Variants in CLTCL1 observed in about 807,000 individuals in gnomAD.
The protein encoded by CLTCL1 is clathrin heavy chain 2.
A neutral mutation model predicts 190.0 loss-of-function variants in CLTCL1; 159 were observed. That is an observed-to-expected ratio of 0.84 (90% CI 0.74 to 0.95). The LOEUF is 0.95. CLTCL1 is among the 40% of genes least tolerant of loss of function. The pLI, the probability that CLTCL1 is intolerant of heterozygous loss-of-function variation, is 0.00. For missense variants in CLTCL1, 1,878 were observed against 2,033.4 expected (o/e 0.92, Z 1.47); for synonymous variants, 752 against 769.6 (o/e 0.98, Z 0.38).
Position 19,183,530 on chromosome 22 carries a change from T to C in CLTCL1, c.4687A>G (p.Arg1563Gly). 6.2e-7 allele frequency: 1 copy of C among 1,613,766 alleles called. No homozygotes were observed. Among genetic ancestry groups the C allele is most frequent in the Non-Finnish European group, 8.5e-7 (1 of 1,179,870 alleles). Reference sequence around the variant, plus strand: ...AAGAGACAAGCTGCGAAGCACTCCCTCTTGCCTTCCTCCAGGAACCACTGC... The same window carrying C: ...AAGAGACAAGCTGCGAAGCACTCCCCCTTGCCTTCCTCCAGGAACCACTGC... ...LLQWFLEEGKRECFAACLFTC... is the reference protein window; with the variant it reads ...LLQWFLEEGKGECFAACLFTC... The change falls in exon 30 of 33, where the codon AGG becomes GGG. Residue 1563 changes from arginine (R) to glycine (G), a missense_variant. Coordinates refer to ENST00000427926, the MANE Select transcript of CLTCL1 (RefSeq NM_007098.4).
Position 19,273,081 on chromosome 22 carries a change from C to T in CLTCL1, c.250+2542G>A, listed in dbSNP as rs1209258970. The stretch of plus-strand genomic sequence containing the variant: ...ACACCCTGTATTTCTGCACTGGATC[C>T]TAGAAGCTAGTCAAGGTGTGTGATA... On this transcript the variant is annotated intron_variant, in intron 2 of 32. Transcript: ENST00000427926. Among the ~76,000 whole-genome samples the T allele has an allele frequency of 4.6e-5, 7 of 152,268 alleles. 1 individual carries two copies. Among genetic ancestry groups the T allele is most frequent in the South Asian group, 2.1e-4 (1 of 4,830 alleles).
intron 27 of CLTCL1, among the ~76,000 whole-genome samples, chr22:19,190,647 T>C (rs1208588028): frequency 7.0e-6 from 1 of 142,606 alleles, no homozygotes; most frequent in Non-Finnish European, 1.5e-5. Flanking sequence ...CACCATAACA[T>C]ATATAATGAC....
At chr22:19,225,404 AAGG>A in intron 13 of CLTCL1, 46 bp downstream of exon 13, 1 of 1,492,698 alleles carries the variant, frequency 6.7e-7, no homozygotes, top group Non-Finnish European at 9.0e-7. Flanking sequence ...ACACCTGAGA[AAGG>A]AGGTGTAGTC....
intron 30 of CLTCL1, chr22:19,183,110 C>G: frequency 4.5e-6 from 2 of 439,650 alleles, no homozygotes; most frequent in Non-Finnish European, 8.5e-6. Flanking sequence ...CTGTTGTGCT[C>G]CTAGCAGTGT....
chr22:19,237,568 T>C (rs1168276632), intron 5 of CLTCL1, among the ~76,000 whole-genome samples: 1 of 152,196 alleles, frequency 6.6e-6, no homozygotes, highest in Non-Finnish European at 1.5e-5. Context: ...CCTCGGACTT[T>C]TAGACTAACA....
Position 19,180,678 on chromosome 22 carries a change from G to A in CLTCL1, c.4903+53C>T, listed in dbSNP as rs2084103584. 13 of 1,582,352 alleles carry A rather than the reference G, an allele frequency of 8.2e-6. No homozygotes were observed. In the Middle Eastern group the frequency reaches 5.0e-4, roughly 61 times the overall value. ...AGCCAGGTAAGGGCAGTGGGACTTTGACTCCCTCCCTGCTCCCTCCCCAGG... is the reference window on the plus strand; with the variant it reads ...AGCCAGGTAAGGGCAGTGGGACTTTAACTCCCTCCCTGCTCCCTCCCCAGG... On this transcript the variant is annotated intron_variant, in intron 31 of 32. Transcript: ENST00000427926.
chr22:19,277,819 A>G (rs1555984274), intron 1 of CLTCL1, among the ~76,000 whole-genome samples: 3 of 152,188 alleles, frequency 2.0e-5, no homozygotes. Context: ...CTACCTGGAA[A>G]TAGTATCAGA....
intron 21 of CLTCL1, 150 bp downstream of exon 21, chr22:19,208,772 A>T: frequency 3.1e-6 from 2 of 644,514 alleles, no homozygotes; most frequent in Non-Finnish European, 5.2e-6. Flanking sequence ...TTTATCTCAG[A>T]CTCTTGTGGG....
chr22:19,256,959 T>C (rs1392555962), intron 2 of CLTCL1, among the ~76,000 whole-genome samples: 2 of 152,202 alleles, frequency 1.3e-5, no homozygotes, highest in South Asian at 2.1e-4. Flanking sequence ...ATAAAACCTA[T>C]GTTATTGTCA....
At chr22:19,247,900 A>G (rs562200581) in intron 3 of CLTCL1, among the ~76,000 whole-genome samples, 1 of 152,258 alleles carries the variant, frequency 6.6e-6, no homozygotes, top group East Asian at 1.9e-4. Context: ...GATATAATTC[A>G]CATACCATAG....
At chr22:19,228,308 A>G (rs1449776913) in intron 11 of CLTCL1, among the ~76,000 whole-genome samples, 1 of 152,244 alleles carries the variant, frequency 6.6e-6, no homozygotes, top group African/African-American at 2.4e-5. Flanking sequence ...ACCATCACGC[A>G]GTCCTACTGC....
chr22:19,179,951 GC>G lies in CLTCL1; in HGVS notation c.*38del, dbSNP rs1436260980. 1.8e-6 allele frequency: 1 copy of G among 551,008 alleles called. No homozygotes were observed. Among genetic ancestry groups the G allele is most frequent in the Non-Finnish European group, 3.2e-6 (1 of 308,126 alleles). The allele number at this position is 551,008 out of a possible 1,614,324, so 34.1% of individuals were successfully genotyped here. On this transcript the variant is annotated 3_prime_UTR_variant, in exon 33 of 33. Transcript: ENST00000427926. ...ATATCCATAGGGGAAGCTGGCAGGG[GC>G]TGGGCCCACGGCAGGGCCTGCAGAG...
intron 27 of CLTCL1, among the ~76,000 whole-genome samples, chr22:19,188,386 A>T (rs1225032115): frequency 1.3e-5 from 2 of 152,162 alleles, no homozygotes; most frequent in African/African-American, 4.8e-5. Flanking sequence ...ATATTAATTC[A>T]TGTTTACACT....
chr22:19,283,549 G>C (rs1478648544), intron 1 of CLTCL1, among the ~76,000 whole-genome samples: 1 of 152,082 alleles, frequency 6.6e-6, no homozygotes, highest in Non-Finnish European at 1.5e-5. Context: ...CCAAAGTGCT[G>C]AGATTACAGG....
intron 22 of CLTCL1, chr22:19,207,786 C>T (rs712956): frequency 0.063 from 36,773 of 582,968 alleles, 1,367 homozygotes; most frequent in Middle Eastern, 0.11. Context: ...GAACAGCACA[C>T]GCGAGGATCT....
In CLTCL1 at chr22:19,221,432, G is replaced by A; in HGVS notation, c.2741C>T (p.Pro914Leu). 1 of 1,566,266 alleles carries A rather than the reference G, an allele frequency of 6.4e-7. No homozygotes were observed. The stretch of plus-strand genomic sequence containing the variant: ...CTCATAGGCAACACAGGCCAGATGG[G>A]GGTCTCGCTTCTCACAGTAGCGGCC... ...VVGRYCEKRD[P>L]HLACVAYERG... The change falls in exon 17 of 33, where the codon CCC (proline) becomes CTC (leucine). Residue 914 changes from proline to leucine, a missense_variant. Physicochemically the swap from Pro to Leu is moderately conservative, Grantham distance 98. Transcript: ENST00000427926.
chr22:19,286,738 T>C (rs13056680), intron 1 of CLTCL1, among the ~76,000 whole-genome samples: 19,678 of 152,236 alleles, frequency 0.13, 1,637 homozygotes, highest in East Asian at 0.18. Context: ...CTGTTTCACC[T>C]GGGCTGTGTG....
intron 31 of CLTCL1, among the ~76,000 whole-genome samples, chr22:19,180,511 A>G (rs1249555756): frequency 2.0e-5 from 3 of 152,084 alleles, no homozygotes; most frequent in Admixed American, 2.0e-4. Context: ...CTAGGCAGGC[A>G]CCCCTATCAG....
chr22:19,183,884 C>A (rs910172347), intron 29 of CLTCL1: 2 of 487,368 alleles, frequency 4.1e-6, no homozygotes, highest in Non-Finnish European at 3.8e-6. Context: ...GGGCAGAGGG[C>A]GTGCACAGGC....
Sources: gnomAD v4.1 joint callset for allele counts (sites outside exome capture counted in the v4.1 genomes callset) on GRCh38, gnomAD v4.1.1 for gene constraint, MANE v1.5 for transcripts, NCBI Gene and HGNC (gene_info 2026-07-23, HGNC 2026-07-21) for gene names.